Variants in STK11 observed in about 807,000 individuals in gnomAD.
The protein encoded by STK11 is serine/threonine-protein kinase STK11.
A neutral mutation model predicts 47.3 loss-of-function variants in STK11; 8 were observed. The ratio of observed to expected loss-of-function variants is 0.17; its 90% CI spans 0.10 to 0.31. The LOEUF is 0.31. STK11 is among the 10% of genes least tolerant of loss of function. The pLI is 1.00. For synonymous variants in STK11, 330 were observed against 255.8 expected (o/e 1.29, Z -2.77); for missense variants, 475 against 605.0 (o/e 0.79, Z 2.25).
Position 1,206,240 on chromosome 19 carries a change from G to C in STK11, c.-674G>C, listed in dbSNP as rs1291856039. On this transcript the variant is annotated 5_prime_UTR_variant, in exon 1 of 10. Coordinates refer to ENST00000326873, the MANE Select transcript of STK11 (RefSeq NM_000455.5). Reference sequence around the variant, plus strand: ...CGCCGGGCAGCGACCAGCCCTGAGCGGAGCTGTTGGCCGCGGCGGGAGGCC... The same window carrying C: ...CGCCGGGCAGCGACCAGCCCTGAGCCGAGCTGTTGGCCGCGGCGGGAGGCC... 9 of 196,690 alleles carry C rather than the reference G, an allele frequency of 4.6e-5. No individual in the cohort carries two copies. In the East Asian group the frequency reaches 7.0e-4, roughly 15 times the overall value. The allele number at this position is 196,690 out of a possible 1,614,324, so 12.2% of individuals were successfully genotyped here. A position where few individuals can be genotyped will look rare whatever the true frequency, so the allele number is the denominator to read the frequency against.
Position 1,224,198 on chromosome 19 carries a change from G to T in STK11, c.1108+1026G>T, listed in dbSNP as rs1270238251. ...CACAGTGTATGGGGGTCCCCGGGGG[G>T]TACAGTGTCTGGGGGCCCCCCAGGA... is the stretch of plus-strand genomic sequence containing the variant. On this transcript the variant is annotated intron_variant, in intron 8 of 9. Transcript: ENST00000326873. The T allele has an allele frequency of 2.1e-5, 21 of 985,048 alleles. No individual in the cohort carries two copies. In the Admixed American group the frequency reaches 8.0e-4, roughly 37 times the overall value. The allele number at this position is 985,048 out of a possible 1,614,324, so 61.0% of individuals were successfully genotyped here.
intron 1 of STK11, among the ~76,000 whole-genome samples, chr19:1,213,616 A>G (rs1267360675): frequency 6.6e-6 from 1 of 152,166 alleles, no homozygotes; most frequent in Non-Finnish European, 1.5e-5. Context: ...TCTGCTGTTC[A>G]CGGCTGCGTC....
Position 1,227,660 on chromosome 19 carries a change from C to A in STK11, c.*84C>A, listed in dbSNP as rs1009543085. The A allele has an allele frequency of 2.5e-5, 27 of 1,068,430 alleles. No homozygotes were observed. The highest frequency in any genetic ancestry group is 3.0e-5 in the Non-Finnish European group (26 of 881,328). The allele number at this position is 1,068,430 out of a possible 1,614,324, so 66.2% of individuals were successfully genotyped here. ...AGTCTTCCTGCCGGTTCCGCCCGCC[C>A]TCCCGGAGAGGTGGCCGCCATGCTT... On this transcript the variant is annotated 3_prime_UTR_variant, in exon 10 of 10. Transcript: ENST00000326873.
rs567972989 is a variant in STK11 at position 1,227,431 on chromosome 19, C to T, written c.*17-162C>T. 753 of 684,508 alleles carry T rather than the reference C, an allele frequency of 1.1e-3. 9 individuals carry two copies. The African/African-American group carries it at 0.013, about 12-fold the overall frequency. 42.4% of individuals were successfully genotyped at this position (684,508 alleles called of 1,614,324 possible). ...CTGCAAAAGGCCACACAATGTACCC[C>T]GGGAGTGACTCAAGGGTGGCCTTCC... is the stretch of plus-strand genomic sequence containing the variant. On this transcript the variant is annotated intron_variant, in intron 9 of 9. Coordinates refer to ENST00000326873, the MANE Select transcript of STK11 (RefSeq NM_000455.5).
chr19:1,219,544 GT>G, intron 3 of STK11, 131 bp downstream of exon 3: 4 of 948,246 alleles, frequency 4.2e-6, no homozygotes, highest in Non-Finnish European at 6.1e-6. Flanking sequence ...TTGTTTTTTT[GT>G]TTTTTTGTGT....
chr19:1,221,751 C>A, intron 6 of STK11, 198 bp from the exon 7 acceptor site: 1 of 642,172 alleles, frequency 1.6e-6, no homozygotes, highest in Non-Finnish European at 2.7e-6. Context: ...GTCTCCCTGC[C>A]AGCCGCGCAC....
rs2080841530 is a variant in STK11 at position 1,228,145 on chromosome 19, T to G, written c.*569T>G. 4 of 1,064,176 alleles carry G rather than the reference T, an allele frequency of 3.8e-6. No homozygotes were observed. The African/African-American group carries it at 6.6e-5, about 17-fold the overall frequency. The allele number at this position is 1,064,176 out of a possible 1,614,324, so 65.9% of individuals were successfully genotyped here. A position where few individuals can be genotyped will look rare whatever the true frequency, so the allele number is the denominator to read the frequency against. On this transcript the variant is annotated 3_prime_UTR_variant, in exon 10 of 10. Coordinates refer to ENST00000326873, the MANE Select transcript of STK11 (RefSeq NM_000455.5). ...GAGCTGCTGGGTGGCAGGGGGGCTG[T>G]GGGGTCGGGCTCACGTCGCGGCCGC...
intron 1 of STK11, among the ~76,000 whole-genome samples, chr19:1,210,964 C>G (rs527736450): frequency 6.6e-6 from 1 of 152,084 alleles, no homozygotes; most frequent in South Asian, 2.1e-4. Context: ...AGTTTGAGAC[C>G]AGCGTGGCCA....
At position 1,228,368 on chromosome 19, in the gene STK11, C is replaced by T. The variant is rs1281073963; in HGVS notation, c.*792C>T. 3 of 235,728 alleles carry T rather than the reference C, an allele frequency of 1.3e-5. No individual in the cohort carries two copies. The highest frequency in any genetic ancestry group is 6.1e-5 in the East Asian group (1 of 16,418). 14.6% of individuals were successfully genotyped at this position (235,728 alleles called of 1,614,324 possible). ...GGATGGTGCAGACGCGGCGGGGACTCGGAGGGTGCCGTGCGGGCGAGGCCG... is the reference window on the plus strand; with the variant it reads ...GGATGGTGCAGACGCGGCGGGGACTTGGAGGGTGCCGTGCGGGCGAGGCCG... On this transcript the variant is annotated 3_prime_UTR_variant, in exon 10 of 10. Transcript: ENST00000326873.
intron 5 of STK11, 115 bp downstream of exon 5, chr19:1,220,832 T>C (rs2080778369): frequency 6.9e-7 from 1 of 1,444,758 alleles, no homozygotes. Context: ...AGACCCTCTC[T>C]GGCCACAGCC....
chr19:1,224,241 G>C (rs1240557958), intron 8 of STK11: 3 of 985,232 alleles, frequency 3.0e-6, no homozygotes, highest in African/African-American at 1.7e-5. Flanking sequence ...GCATGTGGGG[G>C]CCCCCCAGGA....
chr19:1,222,052 G>A lies in STK11; in HGVS notation c.920+46G>A, dbSNP rs562360184. Reference sequence around the variant, plus strand: ...GTGGGGCCGAGGCTGCAGGGAGGCCGGCCATGTGGGCAGCTGGTTGAGCGG... The same window carrying A: ...GTGGGGCCGAGGCTGCAGGGAGGCCAGCCATGTGGGCAGCTGGTTGAGCGG... On this transcript the variant is annotated intron_variant, in intron 7 of 9. Transcript: ENST00000326873. The A allele has an allele frequency of 3.9e-5, 61 of 1,546,820 alleles. No homozygotes were observed. The African/African-American group carries it at 4.9e-4, about 12-fold the overall frequency.
chr19:1,221,882 G>A (rs558239584), intron 6 of STK11, 67 bp from the exon 7 acceptor site: 678 of 1,531,988 alleles, frequency 4.4e-4, no homozygotes, highest in Non-Finnish European at 5.9e-4. Flanking sequence ...GGCTGGGCAG[G>A]CGGGGACGGT....
Position 1,224,349 on chromosome 19 carries a change from G to A in STK11, c.1108+1177G>A, listed in dbSNP as rs562856350. ...ACCATCGCGTCTGGTCTGTTGGAACGGGAGGTGCTGCTGGGTACCCTGGTC... is the reference window on the plus strand; with the variant it reads ...ACCATCGCGTCTGGTCTGTTGGAACAGGAGGTGCTGCTGGGTACCCTGGTC... On this transcript the variant is annotated intron_variant, in intron 8 of 9. Transcript: ENST00000326873. 51 of 985,350 alleles carry A rather than the reference G, an allele frequency of 5.2e-5. No individual in the cohort carries two copies. The African/African-American group carries it at 7.5e-4, about 14-fold the overall frequency. 61.0% of individuals were successfully genotyped at this position (985,350 alleles called of 1,614,324 possible).
At chr19:1,207,525 C>T (rs564285900) in intron 1 of STK11, among the ~76,000 whole-genome samples, 3 of 152,232 alleles carry the variant, frequency 2.0e-5, no homozygotes, top group Non-Finnish European at 4.4e-5. Context: ...TTGGCTCCCC[C>T]AGCTGTCCAA....
intron 2 of STK11, 100 bp from the exon 3 acceptor site, chr19:1,219,224 T>C: frequency 7.2e-7 from 1 of 1,382,616 alleles, no homozygotes; most frequent in Non-Finnish European, 1.0e-6. Flanking sequence ...AGGGGCAAGG[T>C]GGGTGCAGAG....
intron 1 of STK11, among the ~76,000 whole-genome samples, chr19:1,213,511 G>T (rs1297889381): frequency 6.6e-6 from 1 of 152,176 alleles, no homozygotes; most frequent in Non-Finnish European, 1.5e-5. Context: ...TCACACGAGT[G>T]GTGTCACACA....
intron 1 of STK11, among the ~76,000 whole-genome samples, chr19:1,208,853 C>G (rs2080689237): frequency 6.7e-6 from 1 of 149,362 alleles, no homozygotes; most frequent in Non-Finnish European, 1.5e-5. Context: ...GAACTTCTGA[C>G]CTCGTGATCC....
chr19:1,227,384 C>A, intron 9 of STK11: 1 of 330,146 alleles, frequency 3.0e-6, no homozygotes, highest in Non-Finnish European at 4.7e-6. Context: ...CATCCACCAG[C>A]GTCAGAGCCC....
Sources: gnomAD v4.1 joint callset for allele counts (sites outside exome capture counted in the v4.1 genomes callset) on GRCh38, gnomAD v4.1.1 for gene constraint, MANE v1.5 for transcripts, NCBI Gene and HGNC (gene_info 2026-07-23, HGNC 2026-07-21) for gene names.